Variants in DGAT2 observed in about 807,000 individuals in gnomAD.
The protein encoded by DGAT2 is acyl-CoA retinol O-fatty-acyltransferase.
In DGAT2, 33 loss-of-function variants were observed where a neutral mutation model predicts 48.4. The ratio of observed to expected loss-of-function variants is 0.68; its 90% confidence interval spans 0.52 to 0.91. The LOEUF is 0.91. DGAT2 is among the 40% of genes least tolerant of loss of function. DGAT2 has a pLI of 0.00. For synonymous variants in DGAT2, 191 were observed against 194.1 expected (o/e 0.98, Z 0.13); for missense variants, 446 against 493.7 (o/e 0.90, Z 0.92).
At chr11:75,792,180 C>T (rs1944996519) in intron 4 of DGAT2, 1 of 152,370 alleles carries the variant, frequency 6.6e-6, no homozygotes, top group South Asian at 2.1e-4. Context: ...TATCTGATCT[C>T]CACCCTTCCA....
At chr11:75,794,970 G>A (rs1404927334) in intron 4 of DGAT2, 18 of 98,878 alleles carry the variant, frequency 1.8e-4, no homozygotes, top group Admixed American at 1.3e-3. Context: ...CCTCTCCTCC[G>A]TTCCTCTGCC....
rs542380679 is a variant in DGAT2, at chr11:75,787,102, A to T, written c.250+2356A>T. ...ATATCTGCAACTGCTACAAAGTTAT[A>T]TGAAAATACCTTTGTTATTTATTTG... On this transcript the variant is annotated intron_variant, in intron 2 of 7. Transcript: ENST00000228027. Among the ~76,000 whole-genome samples, 5 of 152,314 alleles carry T rather than the reference A, an allele frequency of 3.3e-5. No individual in the cohort carries two copies. In the South Asian group the frequency reaches 1.0e-3, roughly 32 times the overall value.
chr11:75,798,488 T>C (rs1021797602), intron 7 of DGAT2, 59 bp downstream of exon 7: 84 of 1,579,898 alleles, frequency 5.3e-5, no homozygotes, highest in Non-Finnish European at 6.4e-5. Flanking sequence ...ATACAGCTAA[T>C]CAGCAGTAGA....
chr11:75,772,076 G>A (rs1390884149), intron 1 of DGAT2, among the ~76,000 whole-genome samples: 1 of 152,206 alleles, frequency 6.6e-6, no homozygotes, highest in East Asian at 1.9e-4. Context: ...CAAGAGAAGG[G>A]TTGCAAGGCC....
At chr11:75,784,066 G>A (rs1289042366) in intron 1 of DGAT2, among the ~76,000 whole-genome samples, 4 of 152,072 alleles carry the variant, frequency 2.6e-5, no homozygotes, top group Admixed American at 6.6e-5. Flanking sequence ...TGGTGTTGGG[G>A]GTGGGGGCAA....
In DGAT2 at chr11:75,797,279, T is replaced by C. The variant is rs746628959; in HGVS notation, c.756T>C (p.Asn252=). Residue 252 remains asparagine (N), a synonymous_variant, in exon 6 of 8, where the codon AAT becomes AAC. Coordinates refer to ENST00000228027, the MANE Select transcript of DGAT2 (RefSeq NM_032564.5). ...CTCTGAGCTCCATGCCTGGCAAGAA[T>C]GCAGTCACCCTGCGGAACCGCAAGG... is the stretch of plus-strand genomic sequence containing the variant. ...AESLSSMPGK[N]AVTLRNRKGF... 4.4e-6 allele frequency: 7 copies of C among 1,573,342 alleles called. No homozygotes were observed. The East Asian group carries it at 1.2e-4, about 27-fold the overall frequency.
At chr11:75,776,395 CA>C (rs936752975) in intron 1 of DGAT2, 3 of 152,202 alleles carry the variant, frequency 2.0e-5, no homozygotes, top group Admixed American at 2.0e-4. Context: ...GGGCTGAGTA[CA>C]GGGGTGAGAT....
intron 4 of DGAT2, chr11:75,792,419 A>G (rs999104244): frequency 1.3e-5 from 2 of 151,690 alleles, no homozygotes; most frequent in African/African-American, 4.9e-5. Flanking sequence ...CTGGGCCTCA[A>G]TCTCCCCTTC....
intron 4 of DGAT2, among the ~76,000 whole-genome samples, chr11:75,791,336 G>C (rs1944987874): frequency 6.6e-6 from 1 of 152,298 alleles, no homozygotes; most frequent in African/African-American, 2.4e-5. Context: ...TATTTTGGGG[G>C]TGGCAGGGCC....
Position 75,790,660 on chromosome 11 carries a change from G to C in DGAT2, c.359-1G>C. The stretch of plus-strand genomic sequence containing the variant: ...CAACTCTGTATTTTATTCCCTGGAA[G>C]GTGGCAGGAGGTCACAGTGGGTCCG... On this transcript the variant is annotated splice_acceptor_variant, in intron 3 of 7. Coordinates refer to ENST00000228027, the MANE Select transcript of DGAT2 (RefSeq NM_032564.5). LOFTEE classifies it high-confidence loss of function. The C allele has an allele frequency of 1.2e-6, 2 of 1,614,016 alleles. No homozygotes were observed. The highest frequency in any genetic ancestry group is 4.5e-5 in the East Asian group (2 of 44,874).
chr11:75,772,702 T>C (rs557687940), intron 1 of DGAT2, among the ~76,000 whole-genome samples: 2 of 152,218 alleles, frequency 1.3e-5, no homozygotes, highest in Non-Finnish European at 2.9e-5. Context: ...TCAGTCCCTT[T>C]GCCGGCCGCG....
chr11:75,785,025 A>G (rs1944907259), intron 2 of DGAT2, among the ~76,000 whole-genome samples: 2 of 152,190 alleles, frequency 1.3e-5, no homozygotes, highest in African/African-American at 2.4e-5. Flanking sequence ...TAACTTGCCC[A>G]AGGTCACACA....
intron 1 of DGAT2, among the ~76,000 whole-genome samples, chr11:75,779,575 G>T (rs1944838697): frequency 6.6e-6 from 1 of 152,194 alleles, no homozygotes; most frequent in South Asian, 2.1e-4. Context: ...TGCTTTCCGG[G>T]TGGTAAAAGA....
chr11:75,786,105 A>G (rs1944919985), intron 2 of DGAT2, among the ~76,000 whole-genome samples: 1 of 152,174 alleles, frequency 6.6e-6, no homozygotes, highest in Admixed American at 6.5e-5. Context: ...TTCTGGGGAG[A>G]AGGGCCATAG....
At chr11:75,772,503 G>A (rs751491350) in intron 1 of DGAT2, among the ~76,000 whole-genome samples, 5 of 152,056 alleles carry the variant, frequency 3.3e-5, no homozygotes, top group Admixed American at 6.6e-5. Context: ...CCAGGTCTTC[G>A]CATGGCTGGC....
At chr11:75,790,114 C>A in intron 2 of DGAT2, 74 bp from the exon 3 acceptor site, 1 of 1,110,670 alleles carries the variant, frequency 9.0e-7, no homozygotes, top group South Asian at 1.3e-5. Context: ...ACAGTAAACA[C>A]TCACTCCATC....
intron 1 of DGAT2, 162 bp from the exon 2 acceptor site, chr11:75,784,456 C>A: frequency 3.3e-6 from 3 of 896,754 alleles, no homozygotes; most frequent in South Asian, 1.9e-5. Flanking sequence ...AGTTACAAAG[C>A]CATGAGGTGG....
intron 7 of DGAT2, 90 bp downstream of exon 7, chr11:75,798,519 C>T (rs895505885): frequency 1.0e-5 from 15 of 1,438,542 alleles, no homozygotes; most frequent in Non-Finnish European, 1.3e-5. Flanking sequence ...CAATGCAGGC[C>T]ACCTGGCTCT....
intron 4 of DGAT2, chr11:75,793,527 A>G (rs1945013453): frequency 6.6e-6 from 1 of 152,262 alleles, no homozygotes; most frequent in Non-Finnish European, 1.5e-5. Context: ...TGTGACCTCC[A>G]CAGGGGAATT....
Sources: gnomAD v4.1 joint callset for allele counts (sites outside exome capture counted in the v4.1 genomes callset) on GRCh38, gnomAD v4.1.1 for gene constraint, MANE v1.5 for transcripts, NCBI Gene and HGNC (gene_info 2026-07-23, HGNC 2026-07-21) for gene names.